The following MAGI3 variants were observed in gnomAD, a reference collection of about 807,000 sequenced individuals.
MAGI3 encodes the protein membrane-associated guanylate kinase, WW and PDZ domain-containing protein 3.
A neutral mutation model predicts 121.8 loss-of-function variants in MAGI3; 43 were observed. The ratio of observed to expected loss-of-function variants is 0.35; its 90% CI spans 0.28 to 0.46. The LOEUF (loss-of-function observed/expected upper bound fraction) is 0.46, where lower values mean the gene tolerates loss of function less well. MAGI3 is among the 20% of genes least tolerant of loss of function. The pLI is 1.00. For synonymous variants in MAGI3, 553 were observed against 639.3 expected (o/e 0.86, Z 2.04); for missense variants, 1,547 against 1,797.3 (o/e 0.86, Z 2.52).
At chr1:113,625,116 G>C (rs929082762) in intron 9 of MAGI3, among the ~76,000 whole-genome samples, 3 of 152,176 alleles carry the variant, frequency 2.0e-5, no homozygotes, top group African/African-American at 7.2e-5. Context: ...ATAATTTGAA[G>C]TCAGGTAATG....
At chr1:113,558,363 A>G (rs1475946116) in intron 2 of MAGI3, among the ~76,000 whole-genome samples, 1 of 152,226 alleles carries the variant, frequency 6.6e-6, no homozygotes, top group Non-Finnish European at 1.5e-5. Context: ...AGAGAGGAAC[A>G]TAACCCCCTG....
intron 7 of MAGI3, among the ~76,000 whole-genome samples, chr1:113,617,937 A>G (rs1158661688): frequency 3.3e-5 from 5 of 152,204 alleles, no homozygotes; most frequent in Admixed American, 6.5e-5. Context: ...GGCACTTACC[A>G]TATTTAGAGC....
chr1:113,643,839 TG>T, intron 11 of MAGI3, 65 bp downstream of exon 11: 2 of 1,459,918 alleles, frequency 1.4e-6, no homozygotes, highest in Non-Finnish European at 1.9e-6. Flanking sequence ...CATTCCCCTC[TG>T]TAAGAGGAGC....
chr1:113,641,478 G>A (rs1264668605), intron 9 of MAGI3, among the ~76,000 whole-genome samples: 1 of 151,768 alleles, frequency 6.6e-6, no homozygotes, highest in Non-Finnish European at 1.5e-5. Flanking sequence ...CATACATACA[G>A]ATATATAAAT....
At chr1:113,464,968 GT>G (rs1435026949) in intron 1 of MAGI3, among the ~76,000 whole-genome samples, 1 of 152,040 alleles carries the variant, frequency 6.6e-6, no homozygotes, top group Middle Eastern at 3.2e-3. Context: ...CTTTGTGGTT[GT>G]TTCCTTTGCT....
intron 2 of MAGI3, among the ~76,000 whole-genome samples, chr1:113,555,049 T>C (rs1190290312): frequency 1.3e-5 from 2 of 151,198 alleles, no homozygotes; most frequent in Non-Finnish European, 2.9e-5. Context: ...GAACAAAGAA[T>C]GACTGCAGTA....
At chr1:113,489,211 G>A (rs1656557077) in intron 1 of MAGI3, among the ~76,000 whole-genome samples, 1 of 145,960 alleles carries the variant, frequency 6.9e-6, no homozygotes, top group East Asian at 2.4e-4. Flanking sequence ...ACCTCGAGGA[G>A]CCAGAGAACA....
chr1:113,416,003 T>TATTAATTATGTAATTAATG (rs1652285240), intron 1 of MAGI3, among the ~76,000 whole-genome samples: 14 of 89,772 alleles, frequency 1.6e-4, no homozygotes, highest in African/African-American at 5.0e-4. Flanking sequence ...TATAATTAAT[T>TATTAATTATGTAATTAATG]ACATATATTA....
At chr1:113,425,116 G>A (rs1269025723) in intron 1 of MAGI3, among the ~76,000 whole-genome samples, 1 of 151,710 alleles carries the variant, frequency 6.6e-6, no homozygotes, top group Non-Finnish European at 1.5e-5. Flanking sequence ...CCGAGATCAC[G>A]CCATTGCACT....
At chr1:113,655,825 A>ACAGG (rs1335865287) in intron 15 of MAGI3, among the ~76,000 whole-genome samples, 1 of 152,200 alleles carries the variant, frequency 6.6e-6, no homozygotes, top group Non-Finnish European at 1.5e-5. Flanking sequence ...ATTAAAGGAG[A>ACAGG]CAGGGTATGT....
intron 9 of MAGI3, among the ~76,000 whole-genome samples, chr1:113,629,321 TTCTC>T (rs1008481384): frequency 6.6e-6 from 1 of 152,218 alleles, no homozygotes; most frequent in Non-Finnish European, 1.5e-5. Flanking sequence ...TCTGCATTTC[TTCTC>T]TCTGTTATCT....
At chr1:113,638,632 C>G (rs898635339) in intron 9 of MAGI3, among the ~76,000 whole-genome samples, 8 of 152,224 alleles carry the variant, frequency 5.3e-5, no homozygotes, top group South Asian at 2.1e-4. Context: ...AGGTGTCAGT[C>G]TGCCCCTACT....
chr1:113,606,992 TTCTC>T (rs1305786528), intron 6 of MAGI3, among the ~76,000 whole-genome samples: 3 of 152,168 alleles, frequency 2.0e-5, no homozygotes, highest in Non-Finnish European at 4.4e-5. Flanking sequence ...CATTTATTCT[TTCTC>T]TATCTGTGAT....
intron 1 of MAGI3, among the ~76,000 whole-genome samples, chr1:113,545,623 C>T (rs36065326): frequency 1.3e-3 from 204 of 152,184 alleles, no homozygotes; most frequent in Non-Finnish European, 2.4e-3. Flanking sequence ...TTGTAGTTAA[C>T]GAGTTTTTTT....
intron 1 of MAGI3, among the ~76,000 whole-genome samples, chr1:113,546,691 T>A (rs1158727794): frequency 6.6e-6 from 1 of 151,906 alleles, no homozygotes; most frequent in Non-Finnish European, 1.5e-5. Flanking sequence ...ACTGTTCGTC[T>A]CGGTGTTACA....
chr1:113,448,293 A>G (rs1206197982), intron 1 of MAGI3, among the ~76,000 whole-genome samples: 1 of 152,240 alleles, frequency 6.6e-6, no homozygotes. Flanking sequence ...GGCTTAGGTT[A>G]TAATATTAGA....
At chr1:113,649,148 T>C in intron 12 of MAGI3, 89 bp from the exon 13 acceptor site, 1 of 907,318 alleles carries the variant, frequency 1.1e-6, no homozygotes, top group Non-Finnish European at 1.6e-6. Context: ...ATTGAGTTAC[T>C]CTATAATATC....
chr1:113,477,341 G>T (rs1489415721), intron 1 of MAGI3, among the ~76,000 whole-genome samples: 1 of 152,086 alleles, frequency 6.6e-6, no homozygotes, highest in Non-Finnish European at 1.5e-5. Flanking sequence ...TTACAATTTG[G>T]CCTGTTTTTG....
chr1:113,536,539 A>G (rs1212414237), intron 1 of MAGI3, among the ~76,000 whole-genome samples: 2 of 152,106 alleles, frequency 1.3e-5, no homozygotes, highest in Non-Finnish European at 2.9e-5. Flanking sequence ...TCACTGAAAT[A>G]TTGCTTGATG....
Sources: allele counts gnomAD v4.1 joint callset (sites outside exome capture counted in the v4.1 genomes callset), GRCh38; gene constraint gnomAD v4.1.1; transcripts MANE v1.5; gene names NCBI Gene and HGNC (gene_info 2026-07-23, HGNC 2026-07-21).